Variants in MACC1 observed in about 807,000 individuals in gnomAD.
MACC1 encodes MET transcriptional regulator MACC1.
Under a neutral mutation model 70.7 loss-of-function variants are expected in MACC1, and 79 were observed. That is an observed-to-expected ratio of 1.12 (90% CI 0.93 to 1.35). The LOEUF is 1.35. Ranked by LOEUF, MACC1 falls within the 40% of genes most tolerant of loss-of-function variation. The pLI is 0.00. For missense variants in MACC1, 1,106 were observed against 978.1 expected (o/e 1.13, Z -1.74); for synonymous variants, 361 against 347.2 (o/e 1.04, Z -0.44).
intron 1 of MACC1, among the ~76,000 whole-genome samples, chr7:20,175,090 CCT>C (rs1782371124): frequency 6.6e-6 from 1 of 151,844 alleles, no homozygotes; most frequent in Admixed American, 6.6e-5. Context: ...TCTGACTTGG[CCT>C]CTGTTTCTAT....
chr7:20,215,520 C>G (rs1368809446), intron 1 of MACC1, among the ~76,000 whole-genome samples: 1 of 152,202 alleles, frequency 6.6e-6, no homozygotes, highest in Non-Finnish European at 1.5e-5. Context: ...AAGTTTCATT[C>G]TAATTCTATC....
rs2128102767 is a variant in MACC1 at position 20,159,204 on chromosome 7, A to G, written c.1157T>C (p.Val386Ala). ...ATTGTGTCCACAAACTGTTAAAACA[A>G]CAGTAAAACTGGGATGGATATATTT... ...GPKYIHPSFT[V>A]VLTVCGHNYM... is the part of the protein sequence containing the mutation. Residue 386 changes from valine to alanine, a missense_variant, in exon 5 of 7, where the codon GTT becomes GCT. Coordinates refer to ENST00000400331, the MANE Select transcript of MACC1 (RefSeq NM_182762.4). 6.2e-7 allele frequency: 1 copy of G among 1,614,030 alleles called. No homozygotes were observed. Among genetic ancestry groups the G allele is most frequent in the Non-Finnish European group, 8.5e-7 (1 of 1,180,008 alleles).
At chr7:20,190,929 T>C (rs1369398983) in intron 1 of MACC1, among the ~76,000 whole-genome samples, 1 of 152,230 alleles carries the variant, frequency 6.6e-6, no homozygotes, top group African/African-American at 2.4e-5. Context: ...ACACAGAGCA[T>C]ATAAACAAGG....
intron 1 of MACC1, among the ~76,000 whole-genome samples, chr7:20,203,665 C>A (rs1452826947): frequency 1.3e-5 from 2 of 152,184 alleles, no homozygotes; most frequent in Non-Finnish European, 2.9e-5. Flanking sequence ...CTCACAAAAT[C>A]CTCTCAGTGT....
chr7:20,174,092 C>G (rs1782356174), intron 1 of MACC1, among the ~76,000 whole-genome samples: 1 of 152,176 alleles, frequency 6.6e-6, no homozygotes, highest in South Asian at 2.1e-4. Flanking sequence ...GCCTGAATCA[C>G]AGGGACTTTC....
intron 1 of MACC1, among the ~76,000 whole-genome samples, chr7:20,208,435 G>T (rs1415064528): frequency 6.6e-6 from 1 of 152,150 alleles, no homozygotes; most frequent in Non-Finnish European, 1.5e-5. Context: ...GGTCTCAGAT[G>T]GAAATGAGGA....
chr7:20,151,054 G>GAA (rs58699284), intron 6 of MACC1, among the ~76,000 whole-genome samples: 14 of 99,466 alleles, frequency 1.4e-4, no homozygotes, highest in Non-Finnish European at 1.3e-4. Context: ...TCTCAAAGGA[G>GAA]AAAAAAAAAA....
chr7:20,154,065 G>A, intron 6 of MACC1, 128 bp downstream of exon 6: 1 of 883,718 alleles, frequency 1.1e-6, no homozygotes, highest in Non-Finnish European at 1.8e-6. Flanking sequence ...TACTAGTGCA[G>A]TGATTCAGTT....
chr7:20,195,325 A>T (rs79890064), intron 1 of MACC1, among the ~76,000 whole-genome samples: 2,552 of 152,340 alleles, frequency 0.017, 75 homozygotes, highest in African/African-American at 0.057. Flanking sequence ...TTTATTTCTC[A>T]TAAAAGATTA....
In MACC1 at chr7:20,136,418, A is replaced by G. The variant is rs1479506494; in HGVS notation, c.*4528T>C. On this transcript the variant is annotated 3_prime_UTR_variant, in exon 7 of 7. Transcript: ENST00000400331. ...ATTATTCAAAATTACAAAACTATTT[A>G]TTAGGGTTAAAACTTTCTAGATGTA... The G allele has an allele frequency of 6.6e-6, 1 of 152,252 alleles. No individual in the cohort carries two copies. Among genetic ancestry groups the G allele is most frequent in the Non-Finnish European group, 1.5e-5 (1 of 68,044 alleles). The allele number at this position is 152,252 out of a possible 1,614,324, so 9.4% of individuals were successfully genotyped here. A position where few individuals can be genotyped will look rare whatever the true frequency, so the allele number is the denominator to read the frequency against.
chr7:20,138,638 G>A lies in MACC1; in HGVS notation c.*2308C>T, dbSNP rs1207327529. 1 of 150,644 alleles carries A rather than the reference G, an allele frequency of 6.6e-6. No individual in the cohort carries two copies. The highest frequency in any genetic ancestry group is 6.6e-5 in the Admixed American group (1 of 15,150). The allele number at this position is 150,644 out of a possible 1,614,324, so 9.3% of individuals were successfully genotyped here. A position where few individuals can be genotyped will look rare whatever the true frequency, so the allele number is the denominator to read the frequency against. On this transcript the variant is annotated 3_prime_UTR_variant, in exon 7 of 7. Coordinates refer to ENST00000400331, the MANE Select transcript of MACC1 (RefSeq NM_182762.4). Reference sequence around the variant, plus strand: ...ATACATAATTATTTGGTCAGGCTGTGTTCCCTTATAATCAAATATAAATAC... The same window carrying A: ...ATACATAATTATTTGGTCAGGCTGTATTCCCTTATAATCAAATATAAATAC...
rs551783179 is a variant in MACC1, at chr7:20,194,892, G to C, written c.-218+22407C>G. Among the ~76,000 whole-genome samples, 44 of 152,292 alleles carry C rather than the reference G, an allele frequency of 2.9e-4. 1 individual carries two copies. In the South Asian group the frequency reaches 9.1e-3, roughly 32 times the overall value. On this transcript the variant is annotated intron_variant, in intron 1 of 6. Transcript: ENST00000400331. ...CTCCTAACAAAATTGCCTTTATAGA[G>C]TGATGGCTTAACACTACTTCCTTGA...
chr7:20,138,908 G>A lies in MACC1; in HGVS notation c.*2038C>T, dbSNP rs928445436. The A allele has an allele frequency of 6.6e-6, 1 of 152,240 alleles. No homozygotes were observed. The highest frequency in any genetic ancestry group is 1.5e-5 in the Non-Finnish European group (1 of 68,100). The allele number at this position is 152,240 out of a possible 1,614,324, so 9.4% of individuals were successfully genotyped here. On this transcript the variant is annotated 3_prime_UTR_variant, in exon 7 of 7. Transcript: ENST00000400331. Reference sequence around the variant, plus strand: ...AGGATGGTCTCGATCTCCTGACCTAGTGATCTGCCCGCCTCGGCCTCCCAA... The same window carrying A: ...AGGATGGTCTCGATCTCCTGACCTAATGATCTGCCCGCCTCGGCCTCCCAA...
rs550277079 is a variant in MACC1, at chr7:20,163,571, G to A, written c.-9+685C>T. ...AATTGTGGCATATTAACACAATGAA[G>A]TATCATACAACTATTGAAACAGATG... On this transcript the variant is annotated intron_variant, in intron 3 of 6. Transcript: ENST00000400331. Among the ~76,000 whole-genome samples, 9 of 152,292 alleles carry A rather than the reference G, an allele frequency of 5.9e-5. No homozygotes were observed. The South Asian group carries it at 1.9e-3, about 32-fold the overall frequency.
chr7:20,192,671 G>C (rs753159103), intron 1 of MACC1, among the ~76,000 whole-genome samples: 17 of 152,076 alleles, frequency 1.1e-4, no homozygotes, highest in Non-Finnish European at 1.9e-4. Context: ...CCATTGTTTT[G>C]AGCCACTAAG....
intron 1 of MACC1, among the ~76,000 whole-genome samples, chr7:20,189,750 A>C (rs3094988): frequency 0.22 from 25,698 of 118,388 alleles, 2,654 homozygotes; most frequent in East Asian, 0.44. Context: ...CAAACACATA[A>C]ACACACACAC....
intron 1 of MACC1, among the ~76,000 whole-genome samples, chr7:20,183,594 C>T (rs1393851328): frequency 1.3e-5 from 2 of 152,174 alleles, no homozygotes; most frequent in African/African-American, 4.8e-5. Flanking sequence ...GATGCTTTAA[C>T]ATTCATCAGA....
At chr7:20,179,650 C>A (rs921913582) in intron 1 of MACC1, among the ~76,000 whole-genome samples, 1 of 152,014 alleles carries the variant, frequency 6.6e-6, no homozygotes, top group African/African-American at 2.4e-5. Flanking sequence ...ATATCTGAAG[C>A]CCCACACAGA....
chr7:20,171,476 G>A lies in MACC1; in HGVS notation c.-217-698C>T, dbSNP rs11766322. On this transcript the variant is annotated intron_variant, in intron 1 of 6. Coordinates refer to ENST00000400331, the MANE Select transcript of MACC1 (RefSeq NM_182762.4). ...TCACCGTGTTAGCCAGGATGGTCTC[G>A]ATCTCCTGACCTTGTGATCCGCCTG... Among the ~76,000 whole-genome samples, 1,275 of 151,426 alleles carry A rather than the reference G, an allele frequency of 8.4e-3. 11 individuals carry two copies. The highest frequency in any genetic ancestry group is 0.013 in the Non-Finnish European group (883 of 67,890).
Sources: allele counts gnomAD v4.1 joint callset (sites outside exome capture counted in the v4.1 genomes callset), GRCh38; gene constraint gnomAD v4.1.1; transcripts MANE v1.5; gene names NCBI Gene and HGNC (gene_info 2026-07-23, HGNC 2026-07-21).